Variants in RAPGEF5 observed in about 807,000 individuals in gnomAD.
RAPGEF5 encodes the protein M-Ras-regulated GEF.
A neutral mutation model predicts 125.2 loss-of-function variants in RAPGEF5; 65 were observed. The ratio of observed to expected loss-of-function variants is 0.52; its 90% CI spans 0.43 to 0.64. The LOEUF (loss-of-function observed/expected upper bound fraction) is 0.64, where lower values mean the gene tolerates loss of function less well. Ranked by LOEUF, RAPGEF5 falls within the 30% of genes least tolerant of loss-of-function variation. The pLI is 0.00. For missense variants in RAPGEF5, 958 were observed against 1,048.1 expected (o/e 0.91, Z 1.19); for synonymous variants, 391 against 385.9 (o/e 1.01, Z -0.16).
At chr7:22,236,719 C>T (rs905305601) in intron 7 of RAPGEF5, among the ~76,000 whole-genome samples, 11 of 152,142 alleles carry the variant, frequency 7.2e-5, no homozygotes, top group African/African-American at 2.4e-4. Context: ...ACACAATTGC[C>T]GGAGTTCCAT....
chr7:22,256,665 G>C (rs1371076728), intron 7 of RAPGEF5, among the ~76,000 whole-genome samples: 2 of 152,102 alleles, frequency 1.3e-5, no homozygotes, highest in Non-Finnish European at 2.9e-5. Flanking sequence ...GAGATTTCTG[G>C]CTTTCCAGAA....
chr7:22,248,978 C>T (rs1044636872), intron 7 of RAPGEF5, among the ~76,000 whole-genome samples: 2 of 152,142 alleles, frequency 1.3e-5, no homozygotes, highest in African/African-American at 2.4e-5. Context: ...AGTCATTCTT[C>T]TACCAGAAAA....
intron 11 of RAPGEF5, among the ~76,000 whole-genome samples, chr7:22,188,071 A>C (rs544124609): frequency 1.3e-5 from 2 of 152,242 alleles, no homozygotes; most frequent in Non-Finnish European, 2.9e-5. Context: ...ATATAAATAC[A>C]AGATAATGTC....
chr7:22,305,575 A>T (rs988169786), intron 5 of RAPGEF5, among the ~76,000 whole-genome samples: 19 of 152,236 alleles, frequency 1.2e-4, no homozygotes, highest in African/African-American at 4.3e-4. Context: ...TGCACTCTTT[A>T]AGCTATTTTA....
chr7:22,284,996 A>G (rs1389456945), intron 6 of RAPGEF5, among the ~76,000 whole-genome samples: 1 of 152,170 alleles, frequency 6.6e-6, no homozygotes, highest in Non-Finnish European at 1.5e-5. Flanking sequence ...TAATATACCT[A>G]AGCTACCAAA....
intron 11 of RAPGEF5, among the ~76,000 whole-genome samples, chr7:22,185,964 C>T (rs1784813391): frequency 6.6e-6 from 1 of 152,066 alleles, no homozygotes; most frequent in Non-Finnish European, 1.5e-5. Context: ...AAGCAATTCT[C>T]ATGCCTCAGT....
At chr7:22,177,817 C>T (rs560324317) in intron 11 of RAPGEF5, among the ~76,000 whole-genome samples, 7 of 152,296 alleles carry the variant, frequency 4.6e-5, no homozygotes, top group Admixed American at 4.6e-4. Flanking sequence ...TTACACTATG[C>T]TCTCCCGAGA....
Position 22,182,916 on chromosome 7 carries a change from T to C in RAPGEF5, c.1204+10451A>G, listed in dbSNP as rs193069317. ...AAGAGATTATATAGATGTAAGCCAATATCTTATCCATATAACAATAAAAGC... is the reference window on the plus strand; with the variant it reads ...AAGAGATTATATAGATGTAAGCCAACATCTTATCCATATAACAATAAAAGC... On this transcript the variant is annotated intron_variant, in intron 11 of 25. Coordinates refer to ENST00000665637, the MANE Select transcript of RAPGEF5 (RefSeq NM_012294.5). Among the ~76,000 whole-genome samples, 28 of 152,298 alleles carry C rather than the reference T, an allele frequency of 1.8e-4. No individual in the cohort carries two copies. In the East Asian group the frequency reaches 5.2e-3, roughly 28 times the overall value.
intron 5 of RAPGEF5, among the ~76,000 whole-genome samples, chr7:22,293,505 C>A (rs1048992961): frequency 6.6e-6 from 1 of 152,144 alleles, no homozygotes; most frequent in African/African-American, 2.4e-5. Context: ...TTTTAACCAC[C>A]TTCTGACAAG....
intron 21 of RAPGEF5, among the ~76,000 whole-genome samples, chr7:22,139,401 G>C (rs1332382431): frequency 6.6e-6 from 1 of 152,178 alleles, no homozygotes; most frequent in Non-Finnish European, 1.5e-5. Flanking sequence ...GTGAGGCAGA[G>C]TCCTGCGCCT....
chr7:22,276,166 T>C (rs988039755), intron 6 of RAPGEF5, among the ~76,000 whole-genome samples: 2 of 152,246 alleles, frequency 1.3e-5, no homozygotes, highest in Admixed American at 6.5e-5. Context: ...TAAAACGTTA[T>C]GTTTACATAA....
At chr7:22,158,203 T>TA (rs1783874410) in intron 14 of RAPGEF5, among the ~76,000 whole-genome samples, 1 of 152,190 alleles carries the variant, frequency 6.6e-6, no homozygotes, top group African/African-American at 2.4e-5. Flanking sequence ...GAGGATTTTT[T>TA]AAAATTGCAA....
At chr7:22,189,267 G>A (rs576267676) in intron 11 of RAPGEF5, among the ~76,000 whole-genome samples, 8 of 151,954 alleles carry the variant, frequency 5.3e-5, no homozygotes, top group Admixed American at 1.3e-4. Flanking sequence ...TAGACCTGTC[G>A]TAACACAGAT....
intron 12 of RAPGEF5, 62 bp from the exon 13 acceptor site, chr7:22,162,603 A>G: frequency 6.8e-7 from 1 of 1,463,074 alleles, no homozygotes; most frequent in South Asian, 1.2e-5. Context: ...ACATCCATTT[A>G]CTCTTATTTT....
chr7:22,220,266 G>A, intron 8 of RAPGEF5: 1 of 296,274 alleles, frequency 3.4e-6, no homozygotes, highest in Non-Finnish European at 6.3e-6. Context: ...GTGTGCGCCT[G>A]ATAGGCTCCT....
intron 12 of RAPGEF5, 39 bp downstream of exon 12, chr7:22,167,031 A>G (rs1386687612): frequency 6.6e-7 from 1 of 1,518,540 alleles, no homozygotes; most frequent in Admixed American, 1.7e-5. Flanking sequence ...TCTGTCTGAG[A>G]GGAAGTGGAC....
intron 12 of RAPGEF5, among the ~76,000 whole-genome samples, chr7:22,166,082 CAT>C (rs201806238): frequency 2.8e-4 from 40 of 142,136 alleles, no homozygotes; most frequent in African/African-American, 5.8e-4. Context: ...ATATATGTAT[CAT>C]ATATATATAT....
chr7:22,127,662 TATC>T (rs1405558040), intron 24 of RAPGEF5, among the ~76,000 whole-genome samples: 3 of 152,228 alleles, frequency 2.0e-5, no homozygotes, highest in Admixed American at 6.5e-5. Flanking sequence ...CAAGAATTAA[TATC>T]ATTCATATCT....
chr7:22,273,947 C>T (rs1782499958), intron 6 of RAPGEF5, among the ~76,000 whole-genome samples: 1 of 152,190 alleles, frequency 6.6e-6, no homozygotes, highest in Non-Finnish European at 1.5e-5. Context: ...AGGAGATAGT[C>T]ACCTCCCTGT....
Sources: allele counts gnomAD v4.1 joint callset (sites outside exome capture counted in the v4.1 genomes callset), GRCh38; gene constraint gnomAD v4.1.1; transcripts MANE v1.5; gene names NCBI Gene and HGNC (gene_info 2026-07-23, HGNC 2026-07-21).